Variants in CSNK1A1 observed in about 807,000 individuals in gnomAD.
The protein encoded by CSNK1A1 is casein kinase I isoform alpha.
A neutral mutation model predicts 46.1 loss-of-function variants in CSNK1A1; 7 were observed. The observed-to-expected ratio is 0.15, with a 90% CI of 0.09 to 0.29. The LOEUF is 0.29. Ranked by LOEUF, CSNK1A1 falls within the 10% of genes least tolerant of loss-of-function variation. The pLI, the probability that CSNK1A1 is intolerant of heterozygous loss-of-function variation, is 1.00. For missense variants in CSNK1A1, 96 were observed against 417.1 expected (o/e 0.23, Z 6.71); for synonymous variants, 137 against 141.5 (o/e 0.97, Z 0.23).
At chr5:149,535,217 A>G (rs1382809503) in intron 2 of CSNK1A1, among the ~76,000 whole-genome samples, 1 of 152,140 alleles carries the variant, frequency 6.6e-6, no homozygotes, top group East Asian at 1.9e-4. Context: ...CTCCTGCTTT[A>G]TTAATTCCGA....
chr5:149,542,613 T>TTTTTTTTTTTTTTTTTAG (rs1561772160), intron 2 of CSNK1A1, among the ~76,000 whole-genome samples: 1 of 11,246 alleles, frequency 8.9e-5, no homozygotes, highest in African/African-American at 7.1e-4. Context: ...TATATATATA[T>TTTTTTTTTTTTTTTTTAG]ATATATATAT....
At position 149,509,796 on chromosome 5, in the gene CSNK1A1, C is replaced by T. The variant is rs143828101; in HGVS notation, c.750+83G>A. On this transcript the variant is annotated intron_variant, in intron 7 of 9. Transcript: ENST00000377843. ...GGCTCATGTGACCTACTGCCTTGGC[C>T]TCCCAAAGTGCTGGGATTACAGGTG... 1.2e-4 allele frequency: 120 copies of T among 1,018,790 alleles called. 1 individual carries two copies. In the East Asian group the frequency reaches 3.4e-3, roughly 28 times the overall value. The allele number at this position is 1,018,790 out of a possible 1,614,324, so 63.1% of individuals were successfully genotyped here. A position where few individuals can be genotyped will look rare whatever the true frequency, so the allele number is the denominator to read the frequency against.
chr5:149,504,337 G>A (rs1760962547), intron 9 of CSNK1A1: 1 of 979,332 alleles, frequency 1.0e-6, no homozygotes, highest in Non-Finnish European at 1.2e-6. Flanking sequence ...AGTATCTTCA[G>A]ATTAGAATCT....
intron 9 of CSNK1A1, chr5:149,504,179 G>GAAAACCCAACGACA (rs1760957997): frequency 1.0e-6 from 1 of 985,294 alleles, no homozygotes; most frequent in African/African-American, 1.7e-5. Context: ...GAGTTTACAT[G>GAAAACCCAACGACA]TCACCATCTG....
chr5:149,505,493 T>G lies in CSNK1A1; in HGVS notation c.960A>C (p.Gln320His). Residue 320 changes from glutamine to histidine, a missense_variant, in exon 9 of 10, where the codon CAA becomes CAC. Physicochemically the swap from Gln to His is conservative, Grantham distance 24 (BLOSUM62 0). Coordinates refer to ENST00000377843, the MANE Select transcript of CSNK1A1 (RefSeq NM_001892.6). Reference protein sequence around the residue: ...ASSSGQGQQAQTPTGKQTDKT... With the variant: ...ASSSGQGQQAHTPTGKQTDKT... ...TGTCAGTTTGCTTGCCTGTGGGGGT[T>G]TGGGCCTGCTGACCCTGCCCACTGG... The G allele has an allele frequency of 6.2e-7, 1 of 1,614,176 alleles. No individual in the cohort carries two copies. Among genetic ancestry groups the G allele is most frequent in the Non-Finnish European group, 8.5e-7 (1 of 1,180,032 alleles).
chr5:149,542,692 A>ATATATTTT (rs1762340035), intron 2 of CSNK1A1, among the ~76,000 whole-genome samples: 2 of 16,194 alleles, frequency 1.2e-4, no homozygotes, highest in African/African-American at 5.0e-4. Context: ...ATATATATAT[A>ATATATTTT]TTTTTTTTTT....
intron 2 of CSNK1A1, among the ~76,000 whole-genome samples, chr5:149,541,475 A>G (rs952244428): frequency 2.6e-5 from 4 of 152,244 alleles, no homozygotes; most frequent in Non-Finnish European, 5.9e-5. Context: ...CAAAATTTTA[A>G]GAGCCATCTG....
At chr5:149,521,620 T>C (rs964902471) in intron 3 of CSNK1A1, among the ~76,000 whole-genome samples, 1 of 151,788 alleles carries the variant, frequency 6.6e-6, no homozygotes. Flanking sequence ...TGAGGATTTT[T>C]TTTTTTTTTT....
intron 2 of CSNK1A1, among the ~76,000 whole-genome samples, chr5:149,547,590 T>C (rs1419861324): frequency 6.6e-6 from 1 of 152,160 alleles, no homozygotes; most frequent in Non-Finnish European, 1.5e-5. Flanking sequence ...TATCGTATGA[T>C]TCCATTTATA....
intron 3 of CSNK1A1, among the ~76,000 whole-genome samples, chr5:149,521,765 C>T (rs984664086): frequency 3.9e-5 from 6 of 151,938 alleles, no homozygotes; most frequent in Non-Finnish European, 7.4e-5. Flanking sequence ...TACAGGCACC[C>T]GCCACATGCC....
intron 2 of CSNK1A1, among the ~76,000 whole-genome samples, chr5:149,528,548 A>G (rs1483291371): frequency 6.6e-6 from 1 of 152,106 alleles, no homozygotes; most frequent in Non-Finnish European, 1.5e-5. Context: ...GCTTATTCCA[A>G]TCTTACTTAT....
rs767675496 is a variant in CSNK1A1 at position 149,493,574 on chromosome 5, A to G, written c.*3279T>C. 6.6e-6 allele frequency: 1 copy of G among 151,926 alleles called. No homozygotes were observed. The highest frequency in any genetic ancestry group is 1.5e-5 in the Non-Finnish European group (1 of 67,992). The allele number at this position is 151,926 out of a possible 1,614,324, so 9.4% of individuals were successfully genotyped here. On this transcript the variant is annotated 3_prime_UTR_variant, in exon 10 of 10. Coordinates refer to ENST00000377843, the MANE Select transcript of CSNK1A1 (RefSeq NM_001892.6). Reference sequence around the variant, plus strand: ...CAAACTGCATGGGCTGCTTAGATCAATTTACACTTGGTTCATCGCCATCTT... The same window carrying G: ...CAAACTGCATGGGCTGCTTAGATCAGTTTACACTTGGTTCATCGCCATCTT...
At chr5:149,506,207 G>A (rs1761018899) in intron 8 of CSNK1A1, among the ~76,000 whole-genome samples, 1 of 152,044 alleles carries the variant, frequency 6.6e-6, no homozygotes, top group Non-Finnish European at 1.5e-5. Flanking sequence ...GATTATAGGT[G>A]TGAGCCATTG....
At chr5:149,546,830 G>A (rs1205241249) in intron 2 of CSNK1A1, among the ~76,000 whole-genome samples, 1 of 152,100 alleles carries the variant, frequency 6.6e-6, no homozygotes, top group African/African-American at 2.4e-5. Context: ...TACTTTCCGA[G>A]TAAATATTTA....
At chr5:149,524,984 T>G (rs536298980) in intron 3 of CSNK1A1, 61 bp downstream of exon 3, 2 of 1,444,712 alleles carry the variant, frequency 1.4e-6, no homozygotes, top group African/African-American at 2.9e-5. Flanking sequence ...GATTTATGAA[T>G]AATGAAATTC....
Position 149,550,704 on chromosome 5 carries a change from C to A in CSNK1A1, c.123+138G>T. The A allele has an allele frequency of 8.0e-7, 1 of 1,253,086 alleles. No homozygotes were observed. 77.6% of individuals were successfully genotyped at this position (1,253,086 alleles called of 1,614,324 possible). ...GGAGACAGCGGACGAGGTTCGTAAG[C>A]CAGGAAAACTAGCTCCCTGGACTCC... On this transcript the variant is annotated intron_variant, in intron 1 of 9. Transcript: ENST00000377843. The surrounding 1 kb of genome is among the most constrained non-coding windows in gnomAD (Gnocchi z 4.3).
At chr5:149,542,595 TATATATATATATA>T (rs1762274007) in intron 2 of CSNK1A1, among the ~76,000 whole-genome samples, 1 of 2,832 alleles carries the variant, frequency 3.5e-4, no homozygotes, top group Non-Finnish European at 5.5e-4. Context: ...TACAAATTTA[TATATATATATATA>T]TATATATATA....
At chr5:149,538,407 A>G (rs1762129766) in intron 2 of CSNK1A1, among the ~76,000 whole-genome samples, 1 of 152,192 alleles carries the variant, frequency 6.6e-6, no homozygotes, top group Non-Finnish European at 1.5e-5. Context: ...GTTCTCTTCA[A>G]CGTACTGTAC....
intron 4 of CSNK1A1, among the ~76,000 whole-genome samples, chr5:149,515,408 T>C (rs1761368647): frequency 6.6e-6 from 1 of 152,240 alleles, no homozygotes; most frequent in Non-Finnish European, 1.5e-5. Context: ...TGGAGAGTTC[T>C]TTCCTCCCAC....
Sources: gnomAD v4.1 joint callset for allele counts (sites outside exome capture counted in the v4.1 genomes callset) on GRCh38, gnomAD v4.1.1 for gene constraint, Gnocchi (gnomAD v3.1) non-coding constraint, MANE v1.5 for transcripts, NCBI Gene and HGNC (gene_info 2026-07-23, HGNC 2026-07-21) for gene names.